The following GOLGA4 variants were observed in gnomAD, a reference collection of about 807,000 sequenced individuals.
GOLGA4 encodes golgin subfamily A member 4.
In GOLGA4, 169 loss-of-function variants were observed where a neutral mutation model predicts 265.9. That is an observed-to-expected ratio of 0.64 (90% confidence interval 0.56 to 0.72). The LOEUF (loss-of-function observed/expected upper bound fraction) is 0.72. Ranked by LOEUF, GOLGA4 falls within the 30% of genes least tolerant of loss-of-function variation. The probability of loss-of-function intolerance (pLI) is 0.00; values close to 1 mark genes in which losing one functional copy is unlikely to be tolerated. For missense variants in GOLGA4, 2,482 were observed against 2,483.4 expected, an observed-to-expected ratio of 1.00 and a Z score of 0.01; for synonymous variants, 923 against 855.8, an observed-to-expected ratio of 1.08 and a Z score of -1.37.
chr3:37,292,746 C>T (rs115533755), intron 5 of GOLGA4, among the ~76,000 whole-genome samples: 4,277 of 151,930 alleles, frequency 0.028, 155 homozygotes, highest in African/African-American at 0.085. Flanking sequence ...GATAAAGTAA[C>T]AGCTACTTAT....
At chr3:37,331,848 AC>A (rs2096991449) in intron 16 of GOLGA4, among the ~76,000 whole-genome samples, 1 of 152,112 alleles carries the variant, frequency 6.6e-6, no homozygotes, top group South Asian at 2.1e-4. Flanking sequence ...ATATTAATGT[AC>A]CTATTTTGTC....
chr3:37,297,125 A>C (rs1394848250), intron 7 of GOLGA4, among the ~76,000 whole-genome samples: 1 of 152,264 alleles, frequency 6.6e-6, no homozygotes, highest in African/African-American at 2.4e-5. Flanking sequence ...TTTTAACTGG[A>C]AAAAGAAGAA....
In GOLGA4 at chr3:37,278,161, G is replaced by A. The variant is rs1001875427; in HGVS notation, c.163-3797G>A. Among the ~76,000 whole-genome samples, 234 of 150,764 alleles carry A rather than the reference G, an allele frequency of 1.6e-3. 4 individuals carry two copies. The highest frequency in any genetic ancestry group is 5.1e-3 in the African/African-American group (211 of 41,078). On this transcript the variant is annotated intron_variant, in intron 2 of 23. Coordinates refer to ENST00000361924, the MANE Select transcript of GOLGA4 (RefSeq NM_002078.5). ...TTTTGTTGTTAAACATAAAAAAAAA[G>A]AATATTATTAAAGAGTATGATTTAA... is the stretch of plus-strand genomic sequence containing the variant.
chr3:37,265,117 TTGTGTG>T (rs35252934), intron 2 of GOLGA4, among the ~76,000 whole-genome samples: 301 of 147,650 alleles, frequency 2.0e-3, no homozygotes, highest in African/African-American at 4.9e-3. Flanking sequence ...CATGCTCATA[TTGTGTG>T]TGTGTGTGTG....
At chr3:37,334,577 G>A (rs2097003200) in intron 16 of GOLGA4, among the ~76,000 whole-genome samples, 1 of 152,100 alleles carries the variant, frequency 6.6e-6, no homozygotes, top group African/African-American at 2.4e-5. Flanking sequence ...GTAGTGCTCT[G>A]TATAAAAATA....
At chr3:37,263,561 C>A (rs966636998) in intron 2 of GOLGA4, among the ~76,000 whole-genome samples, 1 of 152,148 alleles carries the variant, frequency 6.6e-6, no homozygotes, top group Non-Finnish European at 1.5e-5. Context: ...CAGTGCAAGA[C>A]TGTATATCCT....
At chr3:37,306,501 C>CTGTGTG (rs35641880) in intron 10 of GOLGA4, among the ~76,000 whole-genome samples, 2,126 of 140,176 alleles carry the variant, frequency 0.015, 41 homozygotes, top group African/African-American at 0.043. Context: ...TGGCTGTTCT[C>CTGTGTG]TGTGTGTGTG....
At position 37,325,440 on chromosome 3, in the gene GOLGA4, T is replaced by C. The variant is rs369452778; in HGVS notation, c.3554T>C (p.Phe1185Ser). ...AAGTTGAAAACCACAGATGAAGAAT[T>C]CCAGAGTTTGAAATCTTCACATGAA... ...TSKLKTTDEE[F>S]QSLKSSHEKS... Residue 1185 changes from phenylalanine (F) to serine (S), a missense_variant, in exon 14 of 24, where the codon TTC becomes TCC. Phe to Ser is a radical substitution (Grantham distance 155, BLOSUM62 -2). Transcript: ENST00000361924. The C allele has an allele frequency of 1.2e-6, 2 of 1,611,052 alleles. No individual in the cohort carries two copies. Among genetic ancestry groups the C allele is most frequent in the Non-Finnish European group, 1.7e-6 (2 of 1,179,154 alleles).
intron 2 of GOLGA4, among the ~76,000 whole-genome samples, chr3:37,277,898 C>T (rs1376190685): frequency 1.3e-5 from 2 of 152,034 alleles, no homozygotes; most frequent in African/African-American, 4.8e-5. Context: ...CCTTTGCTCC[C>T]TTTTTCCAAT....
chr3:37,324,992 C>A lies in GOLGA4; in HGVS notation c.3106C>A (p.His1036Asn), dbSNP rs774662455. 1.2e-6 allele frequency: 2 copies of A among 1,613,048 alleles called. No homozygotes were observed. The highest frequency in any genetic ancestry group is 2.7e-5 in the African/African-American group (2 of 74,866). Residue 1036 changes from histidine to asparagine, a missense_variant, in exon 14 of 24, where the codon CAT becomes AAT. By Grantham distance (68) the His-to-Asn change is moderately conservative (BLOSUM62 1). Around this residue, in one of 3 missense-constraint regions of GOLGA4, gnomAD observed 1,536 missense variants for 1,483.7 expected, o/e 1.04. Transcript: ENST00000361924. ...KEQIESLTEV[H>N]RRELNDVISI... is the part of the protein sequence containing the mutation. ...ACAAATAGAAAGTCTTACTGAGGTT[C>A]ATCGACGAGAACTCAATGATGTCAT...
At chr3:37,347,119 A>C in intron 20 of GOLGA4, 74 bp from the exon 21 acceptor site, 2 of 857,728 alleles carry the variant, frequency 2.3e-6, no homozygotes, top group Non-Finnish European at 3.8e-6. Context: ...TTGTTTTTTA[A>C]ATCTATTTTT....
At chr3:37,331,757 C>G (rs763409534) in intron 16 of GOLGA4, among the ~76,000 whole-genome samples, 8 of 152,170 alleles carry the variant, frequency 5.3e-5, no homozygotes, top group Non-Finnish European at 7.4e-5. Flanking sequence ...GACATTCTTA[C>G]CATTCCTCCA....
At chr3:37,273,616 G>T in intron 2 of GOLGA4, 2 of 1,352,200 alleles carry the variant, frequency 1.5e-6, no homozygotes, top group Non-Finnish European at 2.0e-6. Flanking sequence ...GTTACTAATT[G>T]TTATTTTAGA....
intron 20 of GOLGA4, among the ~76,000 whole-genome samples, chr3:37,343,061 T>C (rs1407899993): frequency 3.3e-5 from 5 of 152,030 alleles, no homozygotes; most frequent in Non-Finnish European, 7.4e-5. Context: ...ACCCAGCTAA[T>C]TTTTGTATTT....
At chr3:37,278,970 G>C (rs1007769523) in intron 2 of GOLGA4, among the ~76,000 whole-genome samples, 1 of 151,942 alleles carries the variant, frequency 6.6e-6, no homozygotes, top group Non-Finnish European at 1.5e-5. Context: ...CAGCCATCAC[G>C]TCTGGCTTGT....
intron 19 of GOLGA4, among the ~76,000 whole-genome samples, chr3:37,339,547 C>T (rs951890716): frequency 1.3e-5 from 2 of 152,198 alleles, no homozygotes; most frequent in Non-Finnish European, 2.9e-5. Flanking sequence ...TCTCCATATC[C>T]TCACCAACAA....
Position 37,273,537 on chromosome 3 carries a change from A to G in GOLGA4, c.163-8421A>G, listed in dbSNP as rs144518373. The G allele has an allele frequency of 7.4e-4, 1,092 of 1,484,356 alleles. 11 individuals carry two copies. The East Asian group carries it at 0.022, about 30-fold the overall frequency. 91.9% of individuals were successfully genotyped at this position (1,484,356 alleles called of 1,614,324 possible). ...ACAATGTTTCTTTCTTTTTCTTAGA[A>G]TGCATCTACTCATGCCTCGAAATCT... is the stretch of plus-strand genomic sequence containing the variant. On this transcript the variant is annotated intron_variant, in intron 2 of 23. Coordinates refer to ENST00000361924, the MANE Select transcript of GOLGA4 (RefSeq NM_002078.5).
intron 2 of GOLGA4, among the ~76,000 whole-genome samples, chr3:37,278,483 A>G (rs756517145): frequency 1.7e-4 from 26 of 152,182 alleles, no homozygotes; most frequent in Non-Finnish European, 2.9e-4. Flanking sequence ...GATTACAGGG[A>G]TGAGCCACCA....
At chr3:37,360,635 T>C (rs1696178710) in intron 22 of GOLGA4, among the ~76,000 whole-genome samples, 1 of 152,204 alleles carries the variant, frequency 6.6e-6, no homozygotes. Flanking sequence ...AAATGGGGCA[T>C]AGAATTTATT....
Sources: allele counts gnomAD v4.1 joint callset (sites outside exome capture counted in the v4.1 genomes callset), GRCh38; gene constraint gnomAD v4.1.1; regional missense constraint gnomAD v4.1.1; transcripts MANE v1.5; gene names NCBI Gene and HGNC (gene_info 2026-07-23, HGNC 2026-07-21).